The following ARGLU1 variants were observed in gnomAD, a reference collection of about 807,000 sequenced individuals.
ARGLU1 encodes the protein arginine and glutamate-rich protein 1.
A neutral mutation model predicts 37.6 loss-of-function variants in ARGLU1; 9 were observed. The observed-to-expected ratio is 0.24, with a 90% CI of 0.14 to 0.42. The LOEUF (loss-of-function observed/expected upper bound fraction) is 0.42, where lower values mean the gene tolerates loss of function less well. Among genes scored for constraint, ARGLU1 ranks in the 10% least tolerant of loss-of-function variants. ARGLU1 has a pLI of 1.00. For missense variants in ARGLU1, 211 were observed against 359.2 expected (o/e 0.59, Z 3.34); for synonymous variants, 166 against 138.5 (o/e 1.20, Z -1.39).
At chr13:106,551,205 T>C (rs1348318406) in intron 3 of ARGLU1, among the ~76,000 whole-genome samples, 2 of 152,236 alleles carry the variant, frequency 1.3e-5, no homozygotes, top group Middle Eastern at 3.2e-3. Context: ...CATCCAGTGC[T>C]GGTGGTTCTT....
chr13:106,558,248 A>G, intron 2 of ARGLU1: 3 of 983,694 alleles, frequency 3.0e-6, no homozygotes, highest in Non-Finnish European at 3.6e-6. Flanking sequence ...AAGCACTGAT[A>G]TAAATAAAAA....
At chr13:106,555,876 G>A (rs186111540) in intron 3 of ARGLU1, among the ~76,000 whole-genome samples, 115 of 152,186 alleles carry the variant, frequency 7.6e-4, no homozygotes, top group African/African-American at 2.6e-3. Flanking sequence ...CCTAATGGGA[G>A]GTCCAGTTCC....
At chr13:106,563,485 C>G (rs1156853929) in intron 1 of ARGLU1, among the ~76,000 whole-genome samples, 1 of 152,008 alleles carries the variant, frequency 6.6e-6, no homozygotes, top group Non-Finnish European at 1.5e-5. Flanking sequence ...GACAAGCACA[C>G]AGATTTAACG....
In ARGLU1 at chr13:106,557,284, C is replaced by T. The variant is rs187207635; in HGVS notation, c.574-153G>A. On this transcript the variant is annotated intron_variant, in intron 2 of 3. Transcript: ENST00000400198. This position sits in a 1 kb window ranked among gnomAD's most constrained non-coding sequence, Gnocchi z 5.0. ...TGACAAATGATAAACTGTGCAGTCA[C>T]TAAAATTGGTTTCTAGCACTAAATT... The T allele has an allele frequency of 2.8e-5, 21 of 737,180 alleles. No individual in the cohort carries two copies. The highest frequency in any genetic ancestry group is 1.2e-4 in the Admixed American group (4 of 32,762). The allele number at this position is 737,180 out of a possible 1,614,324, so 45.7% of individuals were successfully genotyped here. A position where few individuals can be genotyped will look rare whatever the true frequency, so the allele number is the denominator to read the frequency against.
chr13:106,559,084 G>C (rs1880729565), intron 2 of ARGLU1: 1 of 1,226,498 alleles, frequency 8.2e-7, no homozygotes, highest in Non-Finnish European at 1.0e-6. Context: ...AACCACAGGT[G>C]GATTTTTAAC....
chr13:106,564,780 G>GTA lies in ARGLU1; in HGVS notation c.347+2791_347+2792dup, dbSNP rs1317187883. ...ATCAAGTCTGGATAAACTCAGTACA[G>GTA]TATATCCAAAACTAGTGCTCACAGT... On this transcript the variant is annotated intron_variant, in intron 1 of 3. Coordinates refer to ENST00000400198, the MANE Select transcript of ARGLU1 (RefSeq NM_018011.4). 7.2e-5 allele frequency among the ~76,000 whole-genome samples: 11 copies of GTA among 152,268 alleles called. No homozygotes were observed. The East Asian group carries it at 2.1e-3, about 29-fold the overall frequency.
chr13:106,557,450 AAAT>A lies in ARGLU1; in HGVS notation c.574-322_574-320del. ...CTGGATAGTATTTACCAAATTAAAA[AAAT>A]AATATATAAAATATAAATAAAGTGA... On this transcript the variant is annotated intron_variant, in intron 2 of 3. Transcript: ENST00000400198. This position sits in a 1 kb window ranked among gnomAD's most constrained non-coding sequence, Gnocchi z 5.0. 1.1e-6 allele frequency: 1 copy of A among 879,230 alleles called. No individual in the cohort carries two copies. Among genetic ancestry groups the A allele is most frequent in the Non-Finnish European group, 1.5e-6 (1 of 645,930 alleles). 54.5% of individuals were successfully genotyped at this position (879,230 alleles called of 1,614,324 possible).
intron 1 of ARGLU1, among the ~76,000 whole-genome samples, chr13:106,562,851 TAAA>T (rs1316026379): frequency 1.5e-5 from 2 of 130,566 alleles, no homozygotes; most frequent in African/African-American, 3.0e-5. Context: ...AATAAATAAA[TAAA>T]AAATAAAAAT....
At chr13:106,545,864 T>C (rs1396530507) in intron 3 of ARGLU1, among the ~76,000 whole-genome samples, 1 of 152,174 alleles carries the variant, frequency 6.6e-6, no homozygotes, top group Non-Finnish European at 1.5e-5. Flanking sequence ...CTAAAATGTA[T>C]CTTTAAGATA....
At chr13:106,545,829 G>A (rs1466256395) in intron 3 of ARGLU1, among the ~76,000 whole-genome samples, 1 of 152,294 alleles carries the variant, frequency 6.6e-6, no homozygotes, top group African/African-American at 2.4e-5. Context: ...TGGCAGGTGA[G>A]CATGGTGGAA....
At chr13:106,562,033 ATG>A (rs1426335423) in intron 1 of ARGLU1, 3 of 152,210 alleles carry the variant, frequency 2.0e-5, no homozygotes, top group African/African-American at 7.2e-5. Context: ...ACACTGGAGA[ATG>A]AGAAATGACC....
chr13:106,546,334 C>G (rs1332973693), intron 3 of ARGLU1, among the ~76,000 whole-genome samples: 1 of 152,216 alleles, frequency 6.6e-6, no homozygotes, highest in Non-Finnish European at 1.5e-5. Context: ...TATAATGTTT[C>G]TCTAAGACAA....
intron 3 of ARGLU1, 131 bp downstream of exon 3, chr13:106,556,917 G>A: frequency 1.4e-6 from 1 of 704,008 alleles, no homozygotes; most frequent in South Asian, 1.8e-5. Flanking sequence ...GCCTCAAAAA[G>A]CCTTTAAAGT....
Position 106,557,475 on chromosome 13 carries a change from G to A in ARGLU1, c.574-344C>T, listed in dbSNP as rs751436075. 1.2e-5 allele frequency: 12 copies of A among 1,010,294 alleles called. No individual in the cohort carries two copies. The highest frequency in any genetic ancestry group is 1.6e-5 in the Non-Finnish European group (12 of 750,768). The allele number at this position is 1,010,294 out of a possible 1,614,324, so 62.6% of individuals were successfully genotyped here. ...AAATAATATATAAAATATAAATAAA[G>A]TGAATATTTGTCTCACCAATTATGT... is the stretch of plus-strand genomic sequence containing the variant. On this transcript the variant is annotated intron_variant, in intron 2 of 3. Coordinates refer to ENST00000400198, the MANE Select transcript of ARGLU1 (RefSeq NM_018011.4). The surrounding 1 kb of genome is among the most constrained non-coding windows in gnomAD (Gnocchi z 5.0).
At chr13:106,559,687 G>C (rs200972418) in intron 1 of ARGLU1, 30 bp from the exon 2 acceptor site, 23 of 1,583,970 alleles carry the variant, frequency 1.5e-5, no homozygotes, top group Non-Finnish European at 1.2e-5. Flanking sequence ...AAACAAGTTA[G>C]GTATTTACTT....
chr13:106,567,494 C>A lies in ARGLU1; in HGVS notation c.347+79G>T, dbSNP rs554792775. The stretch of plus-strand genomic sequence containing the variant: ...GTCCCCGCCATTCTCCCGGCCCGCA[C>A]CGTCCCGCCCCGGCCCCACGCCCTC... On this transcript the variant is annotated intron_variant, in intron 1 of 3. Transcript: ENST00000400198. The surrounding 1 kb of genome is among the most constrained non-coding windows in gnomAD (Gnocchi z 4.3). The A allele has an allele frequency of 1.2e-4, 121 of 1,051,570 alleles. 2 individuals carry two copies. The African/African-American group carries it at 1.7e-3, about 15-fold the overall frequency. The allele number at this position is 1,051,570 out of a possible 1,614,324, so 65.1% of individuals were successfully genotyped here. A position where few individuals can be genotyped will look rare whatever the true frequency, so the allele number is the denominator to read the frequency against.
chr13:106,562,211 G>A (rs1018612567), intron 1 of ARGLU1, among the ~76,000 whole-genome samples: 1 of 152,048 alleles, frequency 6.6e-6, no homozygotes, highest in Non-Finnish European at 1.5e-5. Context: ...GTTTTTCTTG[G>A]TAAAATTAAA....
intron 3 of ARGLU1, among the ~76,000 whole-genome samples, chr13:106,547,317 T>G (rs1206931440): frequency 6.6e-6 from 1 of 152,198 alleles, no homozygotes; most frequent in African/African-American, 2.4e-5. Flanking sequence ...TCGTAATACT[T>G]TATGCCAGCA....
rs1335902582 is a variant in ARGLU1, at chr13:106,563,899, G to A, written c.347+3674C>T. On this transcript the variant is annotated intron_variant, in intron 1 of 3. Coordinates refer to ENST00000400198, the MANE Select transcript of ARGLU1 (RefSeq NM_018011.4). ...TGAACACGGAGGATATTCGAACCTA[G>A]ATATCACAGGCTAGAGTAAGTTACT... Among the ~76,000 whole-genome samples, 4 of 152,210 alleles carry A rather than the reference G, an allele frequency of 2.6e-5. No individual in the cohort carries two copies. The East Asian group carries it at 5.8e-4, about 22-fold the overall frequency.
Sources: allele counts gnomAD v4.1 joint callset (sites outside exome capture counted in the v4.1 genomes callset), GRCh38; gene constraint gnomAD v4.1.1; non-coding constraint Gnocchi (gnomAD v3.1); transcripts MANE v1.5; gene names NCBI Gene and HGNC (gene_info 2026-07-23, HGNC 2026-07-21).